Variants in ATRNL1 observed in about 807,000 individuals in gnomAD.
ATRNL1 encodes attractin-like protein 1.
In ATRNL1, 95 loss-of-function variants were observed where a neutral mutation model predicts 182.7. That is an observed-to-expected ratio of 0.52 (90% confidence interval 0.44 to 0.62). The LOEUF is 0.62. ATRNL1 is among the 20% of genes least tolerant of loss of function. The pLI is 0.00. For synonymous variants in ATRNL1, 576 were observed against 568.3 expected, an observed-to-expected ratio of 1.01 and a Z score of -0.19; for missense variants, 1,471 against 1,679.5, an observed-to-expected ratio of 0.88 and a Z score of 2.17.
intron 8 of ATRNL1, among the ~76,000 whole-genome samples, chr10:115,173,037 T>C (rs1289238682): frequency 6.6e-6 from 1 of 151,916 alleles, no homozygotes; most frequent in South Asian, 2.1e-4. Context: ...TCACTCGCAA[T>C]TGATGACCTT....
chr10:115,534,070 T>G (rs1186814201), intron 25 of ATRNL1, among the ~76,000 whole-genome samples: 12 of 151,910 alleles, frequency 7.9e-5, no homozygotes, highest in Admixed American at 1.3e-4. Flanking sequence ...CTGAAAAAAA[T>G]GTATATTCTG....
chr10:115,230,911 G>GAGAA (rs1195705535), intron 9 of ATRNL1, among the ~76,000 whole-genome samples: 3 of 112,028 alleles, frequency 2.7e-5, no homozygotes, highest in Non-Finnish European at 5.9e-5. Context: ...GAGAGAGAGA[G>GAGAA]AGAGAGAGAG....
At chr10:115,190,375 T>C (rs1276810702) in intron 8 of ATRNL1, among the ~76,000 whole-genome samples, 1 of 152,148 alleles carries the variant, frequency 6.6e-6, no homozygotes, top group Non-Finnish European at 1.5e-5. Flanking sequence ...GCACTGACTA[T>C]ATTAAAAAGT....
chr10:115,559,422 G>A (rs936933817), intron 26 of ATRNL1, among the ~76,000 whole-genome samples: 2 of 101,520 alleles, frequency 2.0e-5, no homozygotes, highest in African/African-American at 7.3e-5. Context: ...GTTTGTGTGT[G>A]TGTGTGTGTG....
chr10:115,259,720 C>G (rs1851316023), intron 10 of ATRNL1, among the ~76,000 whole-genome samples: 1 of 152,182 alleles, frequency 6.6e-6, no homozygotes, highest in Admixed American at 6.5e-5. Context: ...GAGCTGCAGA[C>G]TGGAGCTGTT....
At chr10:115,595,838 G>T (rs782719263) in intron 26 of ATRNL1, among the ~76,000 whole-genome samples, 5 of 152,088 alleles carry the variant, frequency 3.3e-5, no homozygotes, top group Non-Finnish European at 7.4e-5. Flanking sequence ...TTAATCATTA[G>T]AACTTAAAAT....
intron 26 of ATRNL1, among the ~76,000 whole-genome samples, chr10:115,615,573 A>G (rs1423794256): frequency 6.6e-6 from 1 of 152,104 alleles, no homozygotes; most frequent in African/African-American, 2.4e-5. Flanking sequence ...TAATGTTGAA[A>G]TGTAATCCCC....
intron 26 of ATRNL1, among the ~76,000 whole-genome samples, chr10:115,695,664 G>T (rs1308100254): frequency 4.0e-5 from 6 of 151,862 alleles, no homozygotes; most frequent in Non-Finnish European, 7.4e-5. Context: ...ATATTAAATT[G>T]AATAAAAATA....
At chr10:115,604,673 T>C (rs982535491) in intron 26 of ATRNL1, among the ~76,000 whole-genome samples, 3 of 152,092 alleles carry the variant, frequency 2.0e-5, no homozygotes, top group African/African-American at 7.2e-5. Flanking sequence ...TCACAGGCTA[T>C]ACTATGCTGC....
intron 28 of ATRNL1, among the ~76,000 whole-genome samples, chr10:115,871,467 CTTTGTGTGTGTGTATATATA>C (rs1156517496): frequency 1.2e-4 from 2 of 16,544 alleles, no homozygotes; most frequent in Admixed American, 2.4e-3. Flanking sequence ...TGGTCAGATT[CTTTGTGTGTGTGTATATATA>C]TATATATATA....
At chr10:115,717,734 T>C (rs782086354) in intron 26 of ATRNL1, among the ~76,000 whole-genome samples, 25 of 151,872 alleles carry the variant, frequency 1.6e-4, no homozygotes, top group Non-Finnish European at 2.6e-4. Flanking sequence ...GTATTTTTAG[T>C]AGAGACAGGA....
At chr10:115,126,216 C>G (rs1441155505) in intron 3 of ATRNL1, among the ~76,000 whole-genome samples, 2 of 152,116 alleles carry the variant, frequency 1.3e-5, no homozygotes, top group Non-Finnish European at 2.9e-5. Flanking sequence ...CACCACCGTG[C>G]CCACCTGATT....
rs1845415351 is a variant in ATRNL1, at chr10:115,134,588, G to C, written c.829+5053G>C. On this transcript the variant is annotated intron_variant, in intron 5 of 28. Coordinates refer to ENST00000355044, the MANE Select transcript of ATRNL1 (RefSeq NM_207303.4). ...TGTCCAGGACCAGACGGATTCACAG[G>C]TGAATTATACCAGAGGTACAAGGAG... Among the ~76,000 whole-genome samples, 18 of 152,198 alleles carry C rather than the reference G, an allele frequency of 1.2e-4. No homozygotes were observed. The South Asian group carries it at 3.5e-3, about 30-fold the overall frequency.
chr10:115,375,998 G>A (rs11197190), intron 19 of ATRNL1, among the ~76,000 whole-genome samples: 62 of 151,902 alleles, frequency 4.1e-4, no homozygotes, highest in African/African-American at 1.2e-3. Flanking sequence ...ATTTCCTTTA[G>A]TATTTATTGT....
chr10:115,673,078 G>A (rs997392965), intron 26 of ATRNL1, among the ~76,000 whole-genome samples: 28 of 151,900 alleles, frequency 1.8e-4, no homozygotes, highest in Admixed American at 1.4e-3. Context: ...TCAGAAGTTC[G>A]TGTTGTTTCC....
chr10:115,492,090 G>A (rs782221222), intron 24 of ATRNL1, among the ~76,000 whole-genome samples: 1 of 152,040 alleles, frequency 6.6e-6, no homozygotes, highest in Non-Finnish European at 1.5e-5. Context: ...AACCAGTCCC[G>A]GTGAGATGAA....
chr10:115,567,302 T>C (rs1446365868), intron 26 of ATRNL1, among the ~76,000 whole-genome samples: 2 of 152,176 alleles, frequency 1.3e-5, no homozygotes, highest in Non-Finnish European at 2.9e-5. Context: ...CTGCTGTCCT[T>C]CTTTTCCTTT....
At chr10:115,218,939 A>G (rs1849334773) in intron 9 of ATRNL1, among the ~76,000 whole-genome samples, 1 of 152,146 alleles carries the variant, frequency 6.6e-6, no homozygotes, top group Non-Finnish European at 1.5e-5. Context: ...ACTTCTGTGT[A>G]TAAGAGAAGA....
At chr10:115,540,903 G>A (rs1300077121) in intron 25 of ATRNL1, among the ~76,000 whole-genome samples, 1 of 152,022 alleles carries the variant, frequency 6.6e-6, no homozygotes, top group Non-Finnish European at 1.5e-5. Flanking sequence ...TATGCGTATG[G>A]GAAAGGTGAC....
Sources: gnomAD v4.1 joint callset for allele counts (sites outside exome capture counted in the v4.1 genomes callset) on GRCh38, gnomAD v4.1.1 for gene constraint, MANE v1.5 for transcripts, NCBI Gene and HGNC (gene_info 2026-07-23, HGNC 2026-07-21) for gene names.